The following UBE2E2 variants were observed in gnomAD, a reference collection of about 807,000 sequenced individuals.
The protein encoded by UBE2E2 is ubiquitin-conjugating enzyme E2 E2.
UBE2E2 carries 6 observed loss-of-function variants against 24.7 expected under a neutral mutation model. The observed-to-expected ratio is 0.24, with a 90% CI of 0.13 to 0.48. UBE2E2 has a LOEUF of 0.48. Among genes scored for constraint, UBE2E2 ranks in the 20% least tolerant of loss-of-function variants. The pLI is 0.99. For synonymous variants in UBE2E2, 104 were observed against 83.6 expected (o/e 1.24, Z -1.33); for missense variants, 169 against 245.0 (o/e 0.69, Z 2.07).
At chr3:23,427,291 G>C (rs1697948990) in intron 3 of UBE2E2, among the ~76,000 whole-genome samples, 2 of 151,098 alleles carry the variant, frequency 1.3e-5, no homozygotes, top group African/African-American at 4.9e-5. Context: ...TTAGCCAGGT[G>C]TCATTGTATG....
chr3:23,574,195 G>A (rs1375027054), intron 5 of UBE2E2, among the ~76,000 whole-genome samples: 1 of 152,124 alleles, frequency 6.6e-6, no homozygotes, highest in Non-Finnish European at 1.5e-5. Flanking sequence ...CATGAAGATA[G>A]AGAGTAGAAG....
At chr3:23,282,942 G>A (rs1425285368) in intron 3 of UBE2E2, among the ~76,000 whole-genome samples, 1 of 152,112 alleles carries the variant, frequency 6.6e-6, no homozygotes, top group Admixed American at 6.6e-5. Flanking sequence ...ATCAAAACAT[G>A]CAGAACATGG....
intron 3 of UBE2E2, among the ~76,000 whole-genome samples, chr3:23,429,852 A>G (rs1698015470): frequency 6.6e-6 from 1 of 152,234 alleles, no homozygotes; most frequent in African/African-American, 2.4e-5. Flanking sequence ...TACAAATGTC[A>G]ATTGCTTTCT....
At chr3:23,221,457 C>T (rs1303897246) in intron 3 of UBE2E2, among the ~76,000 whole-genome samples, 2 of 152,126 alleles carry the variant, frequency 1.3e-5, no homozygotes, top group Non-Finnish European at 2.9e-5. Context: ...CCCATTTTCC[C>T]CCAGCTCTTT....
At chr3:23,269,871 G>T (rs184828787) in intron 3 of UBE2E2, among the ~76,000 whole-genome samples, 3 of 152,168 alleles carry the variant, frequency 2.0e-5, no homozygotes, top group Non-Finnish European at 4.4e-5. Context: ...TGTTTATTCT[G>T]TTTATAAGGG....
chr3:23,248,071 C>A (rs970312457), intron 3 of UBE2E2, among the ~76,000 whole-genome samples: 2 of 152,244 alleles, frequency 1.3e-5, no homozygotes, highest in African/African-American at 4.8e-5. Context: ...ATTTCGTCCT[C>A]ATTTTTCACT....
At chr3:23,284,332 C>G (rs1698558586) in intron 3 of UBE2E2, among the ~76,000 whole-genome samples, 1 of 151,922 alleles carries the variant, frequency 6.6e-6, no homozygotes, top group South Asian at 2.1e-4. Flanking sequence ...TGTAAAGACT[C>G]TTTTTGGCCT....
At chr3:23,556,025 G>T (rs1163816676) in intron 5 of UBE2E2, among the ~76,000 whole-genome samples, 1 of 151,990 alleles carries the variant, frequency 6.6e-6, no homozygotes, top group African/African-American at 2.4e-5. Flanking sequence ...TGGGGGTGGG[G>T]AGGGAAATGG....
intron 3 of UBE2E2, among the ~76,000 whole-genome samples, chr3:23,289,185 G>C (rs769453107): frequency 1.3e-5 from 2 of 152,200 alleles, no homozygotes; most frequent in Non-Finnish European, 2.9e-5. Flanking sequence ...GATTTGCTTT[G>C]AAGTACAGTA....
At chr3:23,210,962 C>G (rs1277169619) in intron 2 of UBE2E2, among the ~76,000 whole-genome samples, 2 of 152,094 alleles carry the variant, frequency 1.3e-5, no homozygotes, top group Non-Finnish European at 2.9e-5. Flanking sequence ...TTATTTTCCC[C>G]TCTCTCTTCC....
intron 3 of UBE2E2, among the ~76,000 whole-genome samples, chr3:23,353,079 G>T (rs558913946): frequency 3.3e-5 from 5 of 152,200 alleles, no homozygotes; most frequent in African/African-American, 7.2e-5. Flanking sequence ...GCTGGTTCAA[G>T]ATATGCAAAT....
intron 3 of UBE2E2, among the ~76,000 whole-genome samples, chr3:23,487,530 T>C (rs801277): frequency 0.28 from 42,337 of 152,122 alleles, 6,190 homozygotes; most frequent in African/African-American, 0.37. Context: ...GTTGCGCTAC[T>C]ACCGCCATCA....
At chr3:23,570,509 A>G (rs539003703) in intron 5 of UBE2E2, among the ~76,000 whole-genome samples, 8 of 152,348 alleles carry the variant, frequency 5.3e-5, no homozygotes, top group African/African-American at 1.7e-4. Flanking sequence ...GATGTAAACA[A>G]TGTATAGTAA....
chr3:23,429,703 G>A (rs1432640655), intron 3 of UBE2E2, among the ~76,000 whole-genome samples: 1 of 152,106 alleles, frequency 6.6e-6, no homozygotes, highest in Admixed American at 6.5e-5. Flanking sequence ...GCAGGGGAAA[G>A]TATACTAATT....
chr3:23,225,873 G>A (rs1396453634), intron 3 of UBE2E2, among the ~76,000 whole-genome samples: 5 of 146,612 alleles, frequency 3.4e-5, no homozygotes, highest in African/African-American at 1.2e-4. Context: ...AGAAGAAAGT[G>A]TTTTTTTTTT....
chr3:23,288,529 A>T (rs1305182831), intron 3 of UBE2E2, among the ~76,000 whole-genome samples: 2 of 152,196 alleles, frequency 1.3e-5, no homozygotes, highest in Non-Finnish European at 1.5e-5. Context: ...GTCTCCAGCT[A>T]TTATTGTATT....
intron 3 of UBE2E2, among the ~76,000 whole-genome samples, chr3:23,489,877 G>A (rs775357888): frequency 3.9e-5 from 6 of 152,134 alleles, no homozygotes; most frequent in African/African-American, 9.7e-5. Flanking sequence ...AGTGTTCAGC[G>A]GGGAAGGAGC....
intron 5 of UBE2E2, among the ~76,000 whole-genome samples, chr3:23,566,280 T>C (rs1206152312): frequency 1.3e-5 from 2 of 152,228 alleles, no homozygotes; most frequent in Non-Finnish European, 2.9e-5. Context: ...CATCAAGTTA[T>C]TGGCCAGAAT....
At chr3:23,210,853 T>G (rs968404148) in intron 2 of UBE2E2, among the ~76,000 whole-genome samples, 2 of 152,212 alleles carry the variant, frequency 1.3e-5, no homozygotes, top group African/African-American at 4.8e-5. Context: ...GGTCTTCAGT[T>G]GGTTTTCGGG....
Sources: allele counts gnomAD v4.1 joint callset (sites outside exome capture counted in the v4.1 genomes callset), GRCh38; gene constraint gnomAD v4.1.1; transcripts MANE v1.5; gene names NCBI Gene and HGNC (gene_info 2026-07-23, HGNC 2026-07-21).